RDX: variants seen among roughly 807,000 people sequenced by gnomAD.
RDX encodes the protein radixin.
Under a neutral mutation model 83.7 loss-of-function variants are expected in RDX, and 32 were observed. The observed-to-expected ratio is 0.38, with a 90% CI of 0.29 to 0.51. RDX has a LOEUF of 0.51. RDX is among the 20% of genes least tolerant of loss of function. The pLI, the probability that RDX is intolerant of heterozygous loss-of-function variation, is 0.87. For synonymous variants in RDX, 229 were observed against 222.7 expected, an observed-to-expected ratio of 1.03 and a Z score of -0.25; for missense variants, 600 against 689.9, an observed-to-expected ratio of 0.87 and a Z score of 1.46.
intron 7 of RDX, 136 bp downstream of exon 7, chr11:110,257,631 G>T: frequency 1.1e-6 from 1 of 876,206 alleles, no homozygotes. Flanking sequence ...AAGTCTATGT[G>T]TCATTAATTC....
At chr11:110,248,423 T>C (rs1243349431) in intron 9 of RDX, among the ~76,000 whole-genome samples, 1 of 152,164 alleles carries the variant, frequency 6.6e-6, no homozygotes, top group East Asian at 1.9e-4. Flanking sequence ...TGTGCTGGGT[T>C]CCAATGTATT....
chr11:110,255,510 T>C (rs1859506400), intron 7 of RDX, 125 bp from the exon 8 acceptor site: 2 of 657,804 alleles, frequency 3.0e-6, no homozygotes, highest in South Asian at 1.7e-5. Flanking sequence ...TATTAACTTA[T>C]TCATAACTAC....
chr11:110,251,662 G>T (rs540413419), intron 9 of RDX, among the ~76,000 whole-genome samples: 2 of 152,042 alleles, frequency 1.3e-5, no homozygotes, highest in Admixed American at 6.6e-5. Flanking sequence ...GTAAACTTGG[G>T]GCTTTCAGTT....
intron 1 of RDX, among the ~76,000 whole-genome samples, chr11:110,292,279 C>T (rs934036376): frequency 1.1e-4 from 16 of 149,348 alleles, no homozygotes; most frequent in African/African-American, 3.7e-4. Context: ...GGCAACAGAG[C>T]GAGACCCTGT....
At chr11:110,245,544 T>C (rs545298512) in intron 10 of RDX, among the ~76,000 whole-genome samples, 73 of 152,342 alleles carry the variant, frequency 4.8e-4, no homozygotes, top group African/African-American at 1.7e-3. Context: ...TAAAATGACT[T>C]GCTTATAGTC....
intron 15 of RDX, among the ~76,000 whole-genome samples, chr11:110,199,309 A>G (rs949708770): frequency 2.0e-5 from 3 of 152,114 alleles, no homozygotes; most frequent in Admixed American, 2.0e-4. Context: ...ATTCTAGCTC[A>G]CCTCAAAATT....
At chr11:110,189,181 T>C (rs1355137355) in intron 15 of RDX, among the ~76,000 whole-genome samples, 2 of 102,650 alleles carry the variant, frequency 1.9e-5, no homozygotes, top group East Asian at 3.3e-4. Flanking sequence ...AAATGGAAAA[T>C]AAACGAGAGC....
At chr11:110,183,905 C>T (rs1231217741) in intron 15 of RDX, among the ~76,000 whole-genome samples, 4 of 152,334 alleles carry the variant, frequency 2.6e-5, no homozygotes, top group Admixed American at 1.3e-4. Context: ...ACGCTGCTAT[C>T]GATGCTTAGG....
At chr11:110,221,778 G>C (rs973421669) in intron 14 of RDX, among the ~76,000 whole-genome samples, 3 of 152,122 alleles carry the variant, frequency 2.0e-5, no homozygotes, top group African/African-American at 7.2e-5. Flanking sequence ...GTTGAACTAA[G>C]TGGCCTCTCA....
At chr11:110,294,115 C>T (rs1441565178) in intron 1 of RDX, among the ~76,000 whole-genome samples, 1 of 152,246 alleles carries the variant, frequency 6.6e-6, no homozygotes, top group African/African-American at 2.4e-5. Flanking sequence ...CAATTCTGGC[C>T]GGGCGCAGCG....
chr11:110,182,197 C>A (rs1862901356), intron 15 of RDX, among the ~76,000 whole-genome samples: 2 of 152,224 alleles, frequency 1.3e-5, no homozygotes, highest in African/African-American at 4.8e-5. Flanking sequence ...GTGCTGGGTG[C>A]CAAGGGAGAC....
chr11:110,286,956 C>T lies in RDX; in HGVS notation c.-64-7200G>A, dbSNP rs1051204519. 3.3e-5 allele frequency: 5 copies of T among 152,094 alleles called. No individual in the cohort carries two copies. In the East Asian group the frequency reaches 9.6e-4, roughly 29 times the overall value. The allele number at this position is 152,094 out of a possible 1,614,324, so 9.4% of individuals were successfully genotyped here. A position where few individuals can be genotyped will look rare whatever the true frequency, so the allele number is the denominator to read the frequency against. On this transcript the variant is annotated intron_variant, in intron 1 of 13. Coordinates refer to ENST00000645495, the MANE Select transcript of RDX (RefSeq NM_002906.4). The stretch of plus-strand genomic sequence containing the variant: ...CAATACAGAAAATTACAAAAGAAAC[C>T]AATTACACTGGAATATGATTATCAA...
At chr11:110,281,682 T>C (rs901474988) in intron 1 of RDX, among the ~76,000 whole-genome samples, 3 of 151,182 alleles carry the variant, frequency 2.0e-5, no homozygotes, top group Non-Finnish European at 4.4e-5. Context: ...TCCTAGCTTA[T>C]TCCCATCTAC....
At chr11:110,214,228 A>T (rs1191418736) in intron 14 of RDX, among the ~76,000 whole-genome samples, 1 of 150,738 alleles carries the variant, frequency 6.6e-6, no homozygotes, top group Non-Finnish European at 1.5e-5. Context: ...CAGCCAAAAA[A>T]CACATGAAAA....
At chr11:110,204,213 A>G (rs1198143209) in intron 14 of RDX, among the ~76,000 whole-genome samples, 1 of 151,884 alleles carries the variant, frequency 6.6e-6, no homozygotes, top group Non-Finnish European at 1.5e-5. Context: ...GACTTCACAA[A>G]TTATTAGAAA....
At chr11:110,224,825 G>T (rs1864379251), downstream of RDX, among the ~76,000 whole-genome samples, 1 of 152,122 alleles carries the variant, frequency 6.6e-6, no homozygotes, top group Non-Finnish European at 1.5e-5. Context: ...CCTTTCTTAG[G>T]CTAACTACAG....
intron 15 of RDX, among the ~76,000 whole-genome samples, chr11:110,197,453 C>A (rs2134233127): frequency 6.6e-6 from 1 of 152,318 alleles, no homozygotes; most frequent in East Asian, 1.9e-4. Context: ...GTGGCAATCA[C>A]CAACTCTGTG....
At chr11:110,254,526 A>T (rs1383698916) in intron 8 of RDX, among the ~76,000 whole-genome samples, 1 of 150,486 alleles carries the variant, frequency 6.6e-6, no homozygotes, top group Non-Finnish European at 1.5e-5. Flanking sequence ...TCCAGGCTGG[A>T]GTGCAGTGGT....
chr11:110,205,376 TGAG>T (rs540392875), intron 14 of RDX, among the ~76,000 whole-genome samples: 78 of 128,554 alleles, frequency 6.1e-4, no homozygotes, highest in African/African-American at 2.1e-3. Context: ...CCACAAATTA[TGAG>T]GAGAATAATT....
Sources: allele counts gnomAD v4.1 joint callset (sites outside exome capture counted in the v4.1 genomes callset), GRCh38; gene constraint gnomAD v4.1.1; transcripts MANE v1.5; gene names NCBI Gene and HGNC (gene_info 2026-07-23, HGNC 2026-07-21).